Variants in ARHGAP15 observed in about 807,000 individuals in gnomAD.
ARHGAP15 encodes the protein Rho GTPase activating protein 15.
Under a neutral mutation model 63.7 loss-of-function variants are expected in ARHGAP15, and 51 were observed. The ratio of observed to expected loss-of-function variants is 0.80; its 90% CI spans 0.64 to 1.01. ARHGAP15 has a LOEUF of 1.01. Among genes scored for constraint, ARHGAP15 ranks in the 50% least tolerant of loss-of-function variants. ARHGAP15 has a pLI of 0.00. For missense variants in ARHGAP15, 560 were observed against 564.6 expected, an observed-to-expected ratio of 0.99 and a Z score of 0.08; for synonymous variants, 191 against 193.8, an observed-to-expected ratio of 0.99 and a Z score of 0.12.
At chr2:143,700,106 T>G (rs1684019468) in intron 12 of ARHGAP15, among the ~76,000 whole-genome samples, 1 of 152,142 alleles carries the variant, frequency 6.6e-6, no homozygotes, top group Non-Finnish European at 1.5e-5. Flanking sequence ...ATAGGGGAAT[T>G]TGACAAGCAT....
chr2:143,165,118 G>T (rs1438432581), intron 2 of ARHGAP15, among the ~76,000 whole-genome samples: 1 of 151,908 alleles, frequency 6.6e-6, no homozygotes, highest in Non-Finnish European at 1.5e-5. Flanking sequence ...TTTTTTCTGA[G>T]ATTCCAAGAT....
intron 12 of ARHGAP15, among the ~76,000 whole-genome samples, chr2:143,674,722 C>T (rs532793867): frequency 5.9e-5 from 9 of 152,248 alleles, no homozygotes; most frequent in Admixed American, 3.3e-4. Flanking sequence ...ATTAAGTATG[C>T]AATAGCGTTA....
At chr2:143,306,196 T>G (rs749092189) in intron 6 of ARHGAP15, among the ~76,000 whole-genome samples, 48 of 152,140 alleles carry the variant, frequency 3.2e-4, no homozygotes, top group Non-Finnish European at 6.0e-4. Flanking sequence ...GACAGAAAAA[T>G]GCCTTAATAT....
At chr2:143,513,298 C>G (rs1437511421) in intron 9 of ARHGAP15, among the ~76,000 whole-genome samples, 1 of 152,146 alleles carries the variant, frequency 6.6e-6, no homozygotes, top group Non-Finnish European at 1.5e-5. Context: ...GTACCTCCCC[C>G]ACTTCCAACA....
chr2:143,745,574 A>G (rs1479757961), intron 13 of ARHGAP15, among the ~76,000 whole-genome samples: 1 of 152,198 alleles, frequency 6.6e-6, no homozygotes, highest in Non-Finnish European at 1.5e-5. Flanking sequence ...AATAAATGTA[A>G]AGGTACATAT....
At chr2:143,255,543 T>A (rs1348102573) in intron 6 of ARHGAP15, among the ~76,000 whole-genome samples, 1 of 152,126 alleles carries the variant, frequency 6.6e-6, no homozygotes, top group African/African-American at 2.4e-5. Context: ...CTTTCTGATC[T>A]GAATATGTCT....
intron 6 of ARHGAP15, among the ~76,000 whole-genome samples, chr2:143,253,503 T>G (rs1680264355): frequency 6.6e-6 from 1 of 152,100 alleles, no homozygotes; most frequent in Non-Finnish European, 1.5e-5. Flanking sequence ...ATTTGATTGC[T>G]ATGTGGAAAC....
intron 2 of ARHGAP15, among the ~76,000 whole-genome samples, chr2:143,193,732 CT>C (rs1691766501): frequency 1.3e-5 from 2 of 152,178 alleles, no homozygotes; most frequent in Non-Finnish European, 2.9e-5. Context: ...TGAGTTAACA[CT>C]TTTCCACCTT....
At chr2:143,319,228 CT>C (rs397939107) in intron 6 of ARHGAP15, among the ~76,000 whole-genome samples, 1,658 of 140,248 alleles carry the variant, frequency 0.012, 10 homozygotes, top group Non-Finnish European at 0.017. Context: ...TGGTTCCCGC[CT>C]TTTTTTTTTT....
At chr2:143,573,701 A>G (rs529635853) in intron 11 of ARHGAP15, among the ~76,000 whole-genome samples, 128 of 152,302 alleles carry the variant, frequency 8.4e-4, no homozygotes, top group African/African-American at 3.0e-3. Context: ...ATTATTTTCC[A>G]TATGTGCACA....
At chr2:143,267,931 C>T (rs1297011310) in intron 6 of ARHGAP15, among the ~76,000 whole-genome samples, 1 of 151,992 alleles carries the variant, frequency 6.6e-6, no homozygotes, top group Non-Finnish European at 1.5e-5. Flanking sequence ...GAATGGATCA[C>T]AGATAGAATG....
chr2:143,437,022 C>A lies in ARHGAP15; in HGVS notation c.683C>A (p.Pro228Gln). The change falls in exon 8 of 14, where the codon CCA (proline) becomes CAA (glutamine). Residue 228 changes from proline to glutamine, a missense_variant. Pro to Gln is a moderately conservative substitution (Grantham distance 76). Transcript: ENST00000295095. ...HYDSDIKEQK[P>Q]EHRKSLMFRL... The stretch of plus-strand genomic sequence containing the variant: ...GACAGTGATATAAAAGAACAGAAAC[C>A]AGAGCACAGAAAATCTTTAAGTGAG... 6.2e-7 allele frequency: 1 copy of A among 1,601,904 alleles called. No individual in the cohort carries two copies. Among genetic ancestry groups the A allele is most frequent in the Non-Finnish European group, 8.5e-7 (1 of 1,176,798 alleles).
chr2:143,762,086 CCTTT>C (rs1401728382), intron 13 of ARHGAP15, among the ~76,000 whole-genome samples: 5 of 152,030 alleles, frequency 3.3e-5, no homozygotes, highest in African/African-American at 1.2e-4. Flanking sequence ...CAGTTTGGGG[CCTTT>C]TTTTCTGTTA....
chr2:143,553,718 T>TA (rs1211161615), intron 10 of ARHGAP15, among the ~76,000 whole-genome samples: 1 of 152,224 alleles, frequency 6.6e-6, no homozygotes, highest in Non-Finnish European at 1.5e-5. Context: ...TTACTGGACT[T>TA]AAAAAATTGT....
intron 6 of ARHGAP15, among the ~76,000 whole-genome samples, chr2:143,430,540 G>A (rs1230524830): frequency 6.6e-6 from 1 of 151,960 alleles, no homozygotes; most frequent in East Asian, 1.9e-4. Flanking sequence ...TGAAAAAAAT[G>A]TGAATCTGTG....
intron 13 of ARHGAP15, among the ~76,000 whole-genome samples, chr2:143,724,974 C>T (rs1274106675): frequency 6.6e-6 from 1 of 152,188 alleles, no homozygotes; most frequent in Non-Finnish European, 1.5e-5. Flanking sequence ...AATAACCACA[C>T]TCTAGCACAG....
intron 10 of ARHGAP15, among the ~76,000 whole-genome samples, chr2:143,530,083 C>T (rs1694456385): frequency 6.6e-6 from 1 of 152,158 alleles, no homozygotes; most frequent in African/African-American, 2.4e-5. Flanking sequence ...ATCCATGCCT[C>T]TATCCTTAGA....
rs550954528 is a variant in ARHGAP15 at position 143,675,715 on chromosome 2, C to T, written c.1139-27704C>T. ...ACCATGCTACGAACAGATATGCTGT[C>T]ATCCAGGCTTTGTTGTTGAATTTAT... On this transcript the variant is annotated intron_variant, in intron 12 of 13. Transcript: ENST00000295095. Among the ~76,000 whole-genome samples the T allele has an allele frequency of 1.5e-4, 23 of 152,260 alleles. No individual in the cohort carries two copies. The South Asian group carries it at 4.6e-3, about 30-fold the overall frequency.
At chr2:143,132,751 C>A (rs1316188230) in intron 1 of ARHGAP15, among the ~76,000 whole-genome samples, 1 of 152,236 alleles carries the variant, frequency 6.6e-6, no homozygotes, top group Admixed American at 6.5e-5. Flanking sequence ...CAAAATTCTA[C>A]TACGGAGTCA....
Sources: gnomAD v4.1 joint callset for allele counts (sites outside exome capture counted in the v4.1 genomes callset) on GRCh38, gnomAD v4.1.1 for gene constraint, MANE v1.5 for transcripts, NCBI Gene and HGNC (gene_info 2026-07-23, HGNC 2026-07-21) for gene names.